MC5R: variants seen among roughly 807,000 people sequenced by gnomAD.
MC5R encodes the protein melanocortin 5 receptor, also known as melanocortin receptor 5.
For synonymous variants in MC5R, 167 were observed against 164.4 expected (o/e 1.02, Z -0.12); for missense variants, 420 against 431.4 (o/e 0.97, Z 0.23).
Position 13,826,615 on chromosome 18 carries a change from A to G in MC5R, c.850A>G (p.Ile284Val). The part of the protein sequence containing the change: ...MSHFNMYLIL[I>V]MCNSVMDPLI... ...TCACTTCAATATGTACCTCATACTC[A>G]TCATGTGTAATTCCGTGATGGACCC... The change falls in exon 2 of 2, where the codon ATC becomes GTC. Residue 284 changes from isoleucine (I) to valine (V), a missense_variant. Physicochemically the swap from Ile to Val is conservative, Grantham distance 29. Transcript: ENST00000589410. 6.2e-7 allele frequency: 1 copy of G among 1,614,054 alleles called. No homozygotes were observed. Among genetic ancestry groups the G allele is most frequent in the Non-Finnish European group, 8.5e-7 (1 of 1,180,012 alleles).
At chr18:13,825,576 A>AG in intron 1 of MC5R, 151 bp from the exon 2 acceptor site, 1 of 481,666 alleles carries the variant, frequency 2.1e-6, no homozygotes, top group East Asian at 3.5e-5. Context: ...AAAAAAAAAA[A>AG]AAAAAAGGAC....
rs376959450 is a variant in MC5R at position 13,826,762 on chromosome 18, T to C, written c.*19T>C. ...GGATTAAGCACAAAGTGCTCCTCTC[T>C]GTGGCTCTGTTCTCCTTTGTTTGCT... On this transcript the variant is annotated 3_prime_UTR_variant, in exon 2 of 2. Transcript: ENST00000589410. 81 of 1,581,414 alleles carry C rather than the reference T, an allele frequency of 5.1e-5. No individual in the cohort carries two copies. The highest frequency in any genetic ancestry group is 6.3e-5 in the Non-Finnish European group (74 of 1,167,056).
In MC5R at chr18:13,826,328, T is replaced by C. The variant is rs769079938; in HGVS notation, c.563T>C (p.Leu188Pro). The C allele has an allele frequency of 3.1e-6, 5 of 1,614,200 alleles. No individual in the cohort carries two copies. Among genetic ancestry groups the C allele is most frequent in the African/African-American group, 1.3e-5 (1 of 75,066 alleles). The change falls in exon 2 of 2, where the codon CTG (leucine) becomes CCG (proline). Residue 188 changes from leucine (L) to proline (P), a missense_variant. Physicochemically the swap from Leu to Pro is moderately conservative, Grantham distance 98 (BLOSUM62 -3). Transcript: ENST00000589410. The part of the protein sequence containing the change: ...ILYSESTYVI[L>P]CLISMFFAML... ...TACTCAGAATCCACCTACGTCATCC[T>C]GTGCCTCATCTCCATGTTCTTCGCT...
At position 13,826,456 on chromosome 18, in the gene MC5R, A is replaced by T. The variant is rs2044930960; in HGVS notation, c.691A>T (p.Arg231Trp). ...GCCCGGGGCCAGCTCTGCGCGGCAG[A>T]GGACCAGCATGCAGGGCGCGGTCAC... ...ALPGASSARQ[R>W]TSMQGAVTVT... is the part of the protein sequence containing the mutation. Residue 231 changes from arginine to tryptophan, a missense_variant, in exon 2 of 2, where the codon AGG (arginine) becomes TGG (tryptophan). Physicochemically the swap from Arg to Trp is moderately radical, Grantham distance 101. Coordinates refer to ENST00000589410, the MANE Select transcript of MC5R (RefSeq NM_005913.3). 6.2e-7 allele frequency: 1 copy of T among 1,613,624 alleles called. No homozygotes were observed. Among genetic ancestry groups the T allele is most frequent in the South Asian group, 1.1e-5 (1 of 91,068 alleles).
In MC5R at chr18:13,826,858, A is replaced by C; in HGVS notation, c.*115A>C. 5.1e-5 allele frequency: 59 copies of C among 1,159,510 alleles called. No homozygotes were observed. Among genetic ancestry groups the C allele is most frequent in the South Asian group, 7.6e-5 (5 of 65,802 alleles). 71.8% of individuals were successfully genotyped at this position (1,159,510 alleles called of 1,614,324 possible). Reference sequence around the variant, plus strand: ...ATCCCATTTTTCTCTTTACCAGCTCAGACATGGGCCTAAGAGGCTCTCTCT... The same window carrying C: ...ATCCCATTTTTCTCTTTACCAGCTCCGACATGGGCCTAAGAGGCTCTCTCT... On this transcript the variant is annotated 3_prime_UTR_variant, in exon 2 of 2. Transcript: ENST00000589410.
At position 13,824,614 on chromosome 18, in the gene MC5R, A is replaced by C. The variant is rs1292823262; in HGVS notation, c.-40+340A>C. Among the ~76,000 whole-genome samples the C allele has an allele frequency of 2.0e-5, 3 of 152,162 alleles. 1 individual carries two copies. The highest frequency in any genetic ancestry group is 3.4e-3 in the Middle Eastern group (1 of 294). On this transcript the variant is annotated intron_variant, in intron 1 of 1. Transcript: ENST00000589410. ...TGTAGCCATCACCCCTATAGTGTAC[A>C]TTGTACCTATTAAGTAATTTGTTGT...
intron 1 of MC5R, among the ~76,000 whole-genome samples, chr18:13,824,990 T>C (rs1275334412): frequency 6.6e-6 from 1 of 152,160 alleles, no homozygotes; most frequent in Non-Finnish European, 1.5e-5. Context: ...GCTTTTAACA[T>C]GTGACTTTGC....
At chr18:13,824,487 AG>A (rs200096906) in intron 1 of MC5R, among the ~76,000 whole-genome samples, 3,415 of 152,342 alleles carry the variant, frequency 0.022, 52 homozygotes, top group Middle Eastern at 0.054. Context: ...ATAAATGCTT[AG>A]ATTACCAATT....
rs1226100646 is a variant in MC5R, at chr18:13,826,067, A to G, written c.302A>G (p.Asn101Ser). ...ACCATCACCATCTACCTACTCAACA[A>G]CAAGCACCTAGTGATAGCAGACGCC... The part of the protein sequence containing the change: ...WETITIYLLN[N>S]KHLVIADAFV... The change falls in exon 2 of 2, where the codon AAC becomes AGC. Residue 101 changes from asparagine (N) to serine (S), a missense_variant. Coordinates refer to ENST00000589410, the MANE Select transcript of MC5R (RefSeq NM_005913.3). 1.9e-6 allele frequency: 3 copies of G among 1,613,880 alleles called. No homozygotes were observed. Among genetic ancestry groups the G allele is most frequent in the South Asian group, 2.2e-5 (2 of 91,070 alleles).
In MC5R at chr18:13,826,729, C is replaced by T. The variant is rs1416989779; in HGVS notation, c.964C>T (p.Pro322Ser). 2.5e-6 allele frequency: 4 copies of T among 1,608,982 alleles called. No individual in the cohort carries two copies. Among genetic ancestry groups the T allele is most frequent in the African/African-American group, 1.3e-5 (1 of 74,974 alleles). Residue 322 changes from proline (P) to serine (S), a missense_variant, in exon 2 of 2, where the codon CCC becomes TCC. By Grantham distance (74) the Pro-to-Ser change is moderately conservative (BLOSUM62 -1). Coordinates refer to ENST00000589410, the MANE Select transcript of MC5R (RefSeq NM_005913.3). ...TGGTTTCAGGATCGCCTGCAGCTTTCCCAGAAGGGATTAAGCACAAAGTGC... is the reference window on the plus strand; with the variant it reads ...TGGTTTCAGGATCGCCTGCAGCTTTTCCAGAAGGGATTAAGCACAAAGTGC... ...CRGFRIACSF[P>S]RRD
At chr18:13,825,509 G>T in intron 1 of MC5R, 2 of 352,938 alleles carry the variant, frequency 5.7e-6, no homozygotes, top group East Asian at 5.3e-5. Flanking sequence ...AGAGAAGATC[G>T]CTTGTGGCCA....
Position 13,826,725 on chromosome 18 carries a change from C to A in MC5R, c.960C>A (p.Ser320Arg). ...ICCRGFRIAC[S>R]FPRRD The stretch of plus-strand genomic sequence containing the variant: ...GCCGTGGTTTCAGGATCGCCTGCAG[C>A]TTTCCCAGAAGGGATTAAGCACAAA... The change falls in exon 2 of 2, where the codon AGC becomes AGA. Residue 320 changes from serine (S) to arginine (R), a missense_variant. By Grantham distance (110) the Ser-to-Arg change is moderately radical. Coordinates refer to ENST00000589410, the MANE Select transcript of MC5R (RefSeq NM_005913.3). 6.2e-7 allele frequency: 1 copy of A among 1,610,042 alleles called. No homozygotes were observed. Among genetic ancestry groups the A allele is most frequent in the East Asian group, 2.2e-5 (1 of 44,878 alleles).
Position 13,826,521 on chromosome 18 carries a change from C to T in MC5R, c.756C>T (p.Ala252=). The T allele has an allele frequency of 1.2e-6, 2 of 1,613,850 alleles. No homozygotes were observed. The highest frequency in any genetic ancestry group is 1.7e-6 in the Non-Finnish European group (2 of 1,179,780). ...TGGGCGTGTTTACCGTGTGCTGGGC[C>T]CCGTTCTTCCTTCATCTCACTTTAA... ...MLLGVFTVCW[A]PFFLHLTLML... is the part of the protein sequence containing the mutation. The change falls in exon 2 of 2, where the codon GCC becomes GCT. Residue 252 remains alanine, a synonymous_variant. Coordinates refer to ENST00000589410, the MANE Select transcript of MC5R (RefSeq NM_005913.3).
Position 13,826,717 on chromosome 18 carries a change from G to C in MC5R, c.952G>C (p.Ala318Pro), listed in dbSNP as rs911107115. The C allele has an allele frequency of 6.2e-7, 1 of 1,611,264 alleles. No individual in the cohort carries two copies. Among genetic ancestry groups the C allele is most frequent in the African/African-American group, 1.3e-5 (1 of 74,870 alleles). ...TATTTGCTGCCGTGGTTTCAGGATC[G>C]CCTGCAGCTTTCCCAGAAGGGATTA... ...EIICCRGFRI[A>P]CSFPRRD The change falls in exon 2 of 2, where the codon GCC (alanine) becomes CCC (proline). Residue 318 changes from alanine to proline, a missense_variant. By Grantham distance (27) the Ala-to-Pro change is conservative. Transcript: ENST00000589410.
intron 1 of MC5R, 79 bp from the exon 2 acceptor site, chr18:13,825,648 T>C (rs2044923614): frequency 4.9e-6 from 4 of 816,418 alleles, no homozygotes; most frequent in South Asian, 1.7e-5. Context: ...TTAGGCTGTG[T>C]TGGTTCTAGG....
Position 13,826,527 on chromosome 18 carries a change from C to T in MC5R, c.762C>T (p.Phe254=). 6.2e-7 allele frequency: 1 copy of T among 1,611,604 alleles called. No individual in the cohort carries two copies. Among genetic ancestry groups the T allele is most frequent in the South Asian group, 1.1e-5 (1 of 91,014 alleles). The change falls in exon 2 of 2, where the codon TTC becomes TTT. Residue 254 remains phenylalanine (F), a synonymous_variant. Coordinates refer to ENST00000589410, the MANE Select transcript of MC5R (RefSeq NM_005913.3). ...LGVFTVCWAP[F]FLHLTLMLSC... ...TGTTTACCGTGTGCTGGGCCCCGTTCTTCCTTCATCTCACTTTAATGCTTT... is the reference window on the plus strand; with the variant it reads ...TGTTTACCGTGTGCTGGGCCCCGTTTTTCCTTCATCTCACTTTAATGCTTT...
Position 13,826,838 on chromosome 18 carries a change from A to G in MC5R, c.*95A>G, listed in dbSNP as rs11080686. ...GGGTAGGCGGGAGTGCTAGCATCCC[A>G]TTTTTCTCTTTACCAGCTCAGACAT... On this transcript the variant is annotated 3_prime_UTR_variant, in exon 2 of 2. Coordinates refer to ENST00000589410, the MANE Select transcript of MC5R (RefSeq NM_005913.3). 3 of 1,386,368 alleles carry G rather than the reference A, an allele frequency of 2.2e-6. No individual in the cohort carries two copies. Among genetic ancestry groups the G allele is most frequent in the African/African-American group, 1.4e-5 (1 of 69,164 alleles). 85.9% of individuals were successfully genotyped at this position (1,386,368 alleles called of 1,614,324 possible).
rs765938356 is a variant in MC5R, at chr18:13,825,947, T to C, written c.182T>C (p.Ile61Thr). The C allele has an allele frequency of 6.2e-7, 1 of 1,613,964 alleles. No homozygotes were observed. Among genetic ancestry groups the C allele is most frequent in the Non-Finnish European group, 8.5e-7 (1 of 1,180,030 alleles). ...LLENILVIGA[I>T]VKNKNLHSPM... is the part of the protein sequence containing the mutation. ...GAGAACATCTTGGTCATAGGGGCCATAGTGAAGAACAAAAACCTGCACTCC... is the reference window on the plus strand; with the variant it reads ...GAGAACATCTTGGTCATAGGGGCCACAGTGAAGAACAAAAACCTGCACTCC... Residue 61 changes from isoleucine to threonine, a missense_variant, in exon 2 of 2, where the codon ATA becomes ACA. Physicochemically the swap from Ile to Thr is moderately conservative, Grantham distance 89. Transcript: ENST00000589410.
Position 13,826,395 on chromosome 18 carries a change from C to T in MC5R, c.630C>T (p.Leu210=), listed in dbSNP as rs1232581874. 3 of 1,614,148 alleles carry T rather than the reference C, an allele frequency of 1.9e-6. No homozygotes were observed. The highest frequency in any genetic ancestry group is 1.6e-4 in the Middle Eastern group (1 of 6,062). ...LLVSLYIHMF[L]LARTHVKRIA... is the part of the protein sequence containing the mutation. ...TGTCTCTGTACATACACATGTTCCT[C>T]CTGGCGCGGACTCACGTCAAGCGGA... is the stretch of plus-strand genomic sequence containing the variant. The change falls in exon 2 of 2, where the codon CTC becomes CTT. Residue 210 remains leucine (L), a synonymous_variant. Coordinates refer to ENST00000589410, the MANE Select transcript of MC5R (RefSeq NM_005913.3).
Sources: gnomAD v4.1 joint callset for allele counts (sites outside exome capture counted in the v4.1 genomes callset) on GRCh38, gnomAD v4.1.1 for gene constraint, MANE v1.5 for transcripts, NCBI Gene and HGNC (gene_info 2026-07-23, HGNC 2026-07-21) for gene names.